Variants in LRRC37A2 observed in about 807,000 individuals in gnomAD.
LRRC37A2 encodes the protein leucine-rich repeat-containing protein 37A2.
In LRRC37A2, 9 loss-of-function variants were observed where a neutral mutation model predicts 68.8. The ratio of observed to expected loss-of-function variants is 0.13; its 90% CI spans 0.08 to 0.23. The LOEUF (loss-of-function observed/expected upper bound fraction) is 0.23. LRRC37A2 is among the 10% of genes least tolerant of loss of function. The pLI is 1.00. For synonymous variants in LRRC37A2, 63 were observed against 367.6 expected, an observed-to-expected ratio of 0.17 and a Z score of 9.48; for missense variants, 168 against 950.4, an observed-to-expected ratio of 0.18 and a Z score of 10.82.
At chr17:46,822,631 G>T in the LRRC37A2 span, among the ~76,000 whole-genome samples, 2 of 152,230 alleles carry the variant, frequency 1.3e-5, no homozygotes, top group African/African-American at 2.4e-5. Flanking sequence ...CCGGATTTCG[G>T]AGGATCTTGG....
the LRRC37A2 span, among the ~76,000 whole-genome samples, chr17:46,803,469 G>T: frequency 6.6e-6 from 1 of 152,190 alleles, no homozygotes; most frequent in South Asian, 2.1e-4. Flanking sequence ...GGGAGGCAGA[G>T]GTTATAGTGA....
At chr17:46,491,030 G>A in the LRRC37A2 span, among the ~76,000 whole-genome samples, 1 of 150,646 alleles carries the variant, frequency 6.6e-6, no homozygotes, top group Non-Finnish European at 1.5e-5. Context: ...GAGTAGCTGG[G>A]ACTACAGGTG....
chr17:47,030,114 T>G, the LRRC37A2 span, among the ~76,000 whole-genome samples: 1 of 126,350 alleles, frequency 7.9e-6, no homozygotes, highest in Non-Finnish European at 1.7e-5. Context: ...ATCATCATCA[T>G]CATCATCATC....
the LRRC37A2 span, among the ~76,000 whole-genome samples, chr17:47,022,595 C>T: frequency 6.6e-6 from 1 of 152,218 alleles, no homozygotes; most frequent in Non-Finnish European, 1.5e-5. Flanking sequence ...CAGACTTTTC[C>T]CCATTTACCT....
the LRRC37A2 span, chr17:46,984,191 C>A: frequency 6.6e-6 from 1 of 152,118 alleles, no homozygotes; most frequent in Non-Finnish European, 1.5e-5. Flanking sequence ...AAAATAGAGG[C>A]CTGGAAAGGA....
chr17:46,721,894 A>G, the LRRC37A2 span: 14 of 1,589,788 alleles, frequency 8.8e-6, no homozygotes, highest in Non-Finnish European at 1.1e-5. Flanking sequence ...TAAAGACGAC[A>G]TGCTTCCCAC....
At chr17:46,984,314 G>GT in the LRRC37A2 span, among the ~76,000 whole-genome samples, 88 of 137,280 alleles carry the variant, frequency 6.4e-4, no homozygotes, top group African/African-American at 2.2e-3. Context: ...ATGTGTATGT[G>GT]TTGGGGGTGG....
chr17:46,872,680 G>A, the LRRC37A2 span: 1 of 1,613,556 alleles, frequency 6.2e-7, no homozygotes, highest in Non-Finnish European at 8.5e-7. Flanking sequence ...CCTGAGGGAT[G>A]CTGCGCACCT....
At chr17:46,388,448 G>T in the LRRC37A2 span, among the ~76,000 whole-genome samples, 1 of 54,522 alleles carries the variant, frequency 1.8e-5, no homozygotes, top group Non-Finnish European at 4.8e-5. Flanking sequence ...TGTAATCCCA[G>T]CTACTCAGGA....
chr17:46,827,726 A>G, the LRRC37A2 span, among the ~76,000 whole-genome samples: 1 of 152,268 alleles, frequency 6.6e-6, no homozygotes, highest in Non-Finnish European at 1.5e-5. Flanking sequence ...ACTGACTTAC[A>G]AGGTGAGTTG....
At chr17:46,739,370 C>CA in the LRRC37A2 span, among the ~76,000 whole-genome samples, 45,441 of 53,268 alleles carry the variant, frequency 0.85, 20,695 homozygotes, top group Non-Finnish European at 0.92. Flanking sequence ...GACTCTGTCT[C>CA]AAAAAAAAAA....
the LRRC37A2 span, chr17:46,755,758 C>T: frequency 5.1e-5 from 72 of 1,410,750 alleles, no homozygotes; most frequent in African/African-American, 8.7e-4. Flanking sequence ...TAGTTTTTTA[C>T]GGACCCTCAT....
chr17:46,990,598 T>G, the LRRC37A2 span, among the ~76,000 whole-genome samples: 2 of 152,278 alleles, frequency 1.3e-5, no homozygotes, highest in African/African-American at 4.8e-5. Flanking sequence ...CAGGAAGGTG[T>G]TCACACTCAT....
chr17:46,818,779 A>G, the LRRC37A2 span: 1 of 658,650 alleles, frequency 1.5e-6, no homozygotes, highest in Non-Finnish European at 2.7e-6. Context: ...TGAGGATGTC[A>G]GCGAGCAGCC....
At chr17:46,977,877 CATATT>C in the LRRC37A2 span, among the ~76,000 whole-genome samples, 1 of 152,266 alleles carries the variant, frequency 6.6e-6, no homozygotes, top group Non-Finnish European at 1.5e-5. Flanking sequence ...TGTTTCATCT[CATATT>C]AGACTCATAT....
chr17:46,588,762 T>G, the LRRC37A2 span, among the ~76,000 whole-genome samples: 1 of 97,964 alleles, frequency 1.0e-5, no homozygotes, highest in Non-Finnish European at 1.8e-5. Flanking sequence ...ATAAGGAAAC[T>G]AGGCCAGGCG....
At chr17:46,877,375 A>G in the LRRC37A2 span, among the ~76,000 whole-genome samples, 3 of 152,120 alleles carry the variant, frequency 2.0e-5, no homozygotes, top group Non-Finnish European at 4.4e-5. Context: ...TGTGTCCTTG[A>G]TTTGGCTTTT....
chr17:46,492,260 C>T, the LRRC37A2 span, among the ~76,000 whole-genome samples: 6 of 151,268 alleles, frequency 4.0e-5, no homozygotes, highest in East Asian at 1.9e-4. Context: ...CCATCGCGCC[C>T]GGCCCGTTTG....
At chr17:46,750,845 A>C in the LRRC37A2 span, among the ~76,000 whole-genome samples, 2 of 140,678 alleles carry the variant, frequency 1.4e-5, no homozygotes, top group Admixed American at 1.4e-4. Flanking sequence ...TAGAAATGTC[A>C]AAAAAAAAAA....
Sources: allele counts gnomAD v4.1 joint callset (sites outside exome capture counted in the v4.1 genomes callset), GRCh38; gene constraint gnomAD v4.1.1; transcripts MANE v1.5; gene names NCBI Gene and HGNC (gene_info 2026-07-23, HGNC 2026-07-21).